Variants in FGF14 observed in about 807,000 individuals in gnomAD.
FGF14 encodes the protein fibroblast growth factor homologous factor 4.
In FGF14, 5 loss-of-function variants were observed where a neutral mutation model predicts 25.5. The observed-to-expected ratio is 0.20, with a 90% CI of 0.10 to 0.41. The LOEUF (loss-of-function observed/expected upper bound fraction) is 0.41, where lower values mean the gene tolerates loss of function less well. Ranked by LOEUF, FGF14 falls within the 10% of genes least tolerant of loss-of-function variation. The pLI is 1.00. For missense variants in FGF14, 222 were observed against 320.1 expected (o/e 0.69, Z 2.34); for synonymous variants, 138 against 118.3 (o/e 1.17, Z -1.08).
At chr13:102,014,703 TA>T in intron 1 of FGF14, among the ~76,000 whole-genome samples, 1 of 152,328 alleles carries the variant, frequency 6.6e-6, no homozygotes, top group South Asian at 2.1e-4. Context: ...CACAGTCACT[TA>T]TTTCGTATGT....
At chr13:101,724,449 G>C (rs2035229140) in intron 4 of FGF14, among the ~76,000 whole-genome samples, 1 of 151,376 alleles carries the variant, frequency 6.6e-6, no homozygotes. Context: ...TTGTGGGGTG[G>C]GGGGATGGGG....
rs935759017 is a variant in FGF14, at chr13:101,988,893, GTTTCT to G, written c.209-113602_209-113598del. ...AAAATATATGTTTTGTTGTTGTGGG[GTTTCT>G]TTTATTTGTTTGTTTGTTTTTTTAC... On this transcript the variant is annotated intron_variant, in intron 1 of 4. Transcript: ENST00000376131. 4.6e-5 allele frequency among the ~76,000 whole-genome samples: 7 copies of G among 151,892 alleles called. No homozygotes were observed. The East Asian group carries it at 5.8e-4, about 13-fold the overall frequency.
chr13:101,802,365 C>A (rs181736756), intron 3 of FGF14: 54 of 200,240 alleles, frequency 2.7e-4, no homozygotes, highest in Admixed American at 4.3e-4. Flanking sequence ...CTCAAAGCAC[C>A]CCACTAAAGT....
intron 1 of FGF14, among the ~76,000 whole-genome samples, chr13:101,947,337 C>T (rs1239501764): frequency 1.3e-5 from 2 of 152,192 alleles, no homozygotes; most frequent in African/African-American, 2.4e-5. Flanking sequence ...ACTGAGTATA[C>T]ACCCAAAGGA....
At chr13:101,788,515 G>T (rs2039986588) in intron 3 of FGF14, among the ~76,000 whole-genome samples, 1 of 152,160 alleles carries the variant, frequency 6.6e-6, no homozygotes, top group Non-Finnish European at 1.5e-5. Flanking sequence ...TAGAATGCTG[G>T]ATTAATTTAT....
chr13:102,097,127 A>T (rs2044440092), intron 1 of FGF14, among the ~76,000 whole-genome samples: 1 of 152,148 alleles, frequency 6.6e-6, no homozygotes, highest in Admixed American at 6.5e-5. Context: ...AGAACTAAAA[A>T]ATCCTAGGTG....
Position 101,980,313 on chromosome 13 carries a change from T to C in FGF14, c.209-105017A>G, listed in dbSNP as rs558834780. ...GACTTTACAGGGATTTAGTGGTTAGTTTTATAATATTATTTATTACCAGAA... is the reference window on the plus strand; with the variant it reads ...GACTTTACAGGGATTTAGTGGTTAGCTTTATAATATTATTTATTACCAGAA... On this transcript the variant is annotated intron_variant, in intron 1 of 4. Transcript: ENST00000376131. Among the ~76,000 whole-genome samples the C allele has an allele frequency of 4.0e-5, 6 of 150,894 alleles. No homozygotes were observed. In the South Asian group the frequency reaches 1.3e-3, roughly 32 times the overall value.
intron 1 of FGF14, among the ~76,000 whole-genome samples, chr13:102,282,345 C>T (rs1352816170): frequency 1.3e-5 from 2 of 152,144 alleles, no homozygotes; most frequent in African/African-American, 2.4e-5. Flanking sequence ...GGAGCCACCA[C>T]GCCCAGCCTC....
rs111320338 is a variant in FGF14, at chr13:101,741,544, A to G, written c.409-14734T>C. On this transcript the variant is annotated intron_variant, in intron 3 of 4. Transcript: ENST00000376143. Reference sequence around the variant, plus strand: ...ACTTTTTCAGGATAATATATGAGATATGGTTCTTACTGATGTCAACGGCAA... The same window carrying G: ...ACTTTTTCAGGATAATATATGAGATGTGGTTCTTACTGATGTCAACGGCAA... Among the ~76,000 whole-genome samples, 33 of 152,070 alleles carry G rather than the reference A, an allele frequency of 2.2e-4. 1 individual carries two copies. Among genetic ancestry groups the G allele is most frequent in the African/African-American group, 7.0e-4 (29 of 41,496 alleles).
At chr13:102,017,868 C>G (rs2040428316) in intron 1 of FGF14, among the ~76,000 whole-genome samples, 1 of 152,008 alleles carries the variant, frequency 6.6e-6, no homozygotes, top group Non-Finnish European at 1.5e-5. Context: ...CTAGACTGTT[C>G]ATTCTTTCTT....
chr13:102,362,282 C>T (rs1419011318), intron 1 of FGF14, among the ~76,000 whole-genome samples: 1 of 152,156 alleles, frequency 6.6e-6, no homozygotes, highest in African/African-American at 2.4e-5. Context: ...TGGGACTGTA[C>T]TTTCCTCCTC....
rs546818691 is a variant in FGF14, at chr13:102,135,166, C to G, written c.209-259870G>C. Among the ~76,000 whole-genome samples, 13 of 152,246 alleles carry G rather than the reference C, an allele frequency of 8.5e-5. No individual in the cohort carries two copies. The South Asian group carries it at 2.7e-3, about 32-fold the overall frequency. On this transcript the variant is annotated intron_variant, in intron 1 of 4. Coordinates refer to the FGF14 transcript ENST00000376131. ...AAGGCTATAGTAAGCTATGATCGCA[C>G]CATCGCACTCCAGCCTGGGTGACAG...
At chr13:101,889,482 T>G (rs1372279151) in intron 1 of FGF14, among the ~76,000 whole-genome samples, 3 of 152,290 alleles carry the variant, frequency 2.0e-5, no homozygotes, top group Non-Finnish European at 2.9e-5. Context: ...TGTAGAGCTA[T>G]TTTATGGCCC....
At chr13:102,038,088 TG>T (rs1177473767) in intron 1 of FGF14, among the ~76,000 whole-genome samples, 1 of 152,144 alleles carries the variant, frequency 6.6e-6, no homozygotes, top group East Asian at 1.9e-4. Context: ...ACATCTAGGC[TG>T]GGATCCAAAG....
At chr13:102,358,926 C>G (rs1189015303) in intron 1 of FGF14, among the ~76,000 whole-genome samples, 1 of 152,128 alleles carries the variant, frequency 6.6e-6, no homozygotes, top group Non-Finnish European at 1.5e-5. Context: ...ACCCAAATGT[C>G]CATCAGTGAT....
At chr13:101,940,495 G>A (rs7988219) in intron 1 of FGF14, among the ~76,000 whole-genome samples, 13 of 152,060 alleles carry the variant, frequency 8.5e-5, no homozygotes, top group Admixed American at 3.3e-4. Context: ...GCTTGTGCTC[G>A]CCTTGAGGCT....
At chr13:101,963,318 G>C (rs1208743414) in intron 1 of FGF14, among the ~76,000 whole-genome samples, 2 of 151,584 alleles carry the variant, frequency 1.3e-5, no homozygotes, top group African/African-American at 4.9e-5. Flanking sequence ...TTCTTTCTTT[G>C]TTCAAATTTC....
At chr13:101,847,412 A>G (rs2140342268) in intron 3 of FGF14, among the ~76,000 whole-genome samples, 1 of 152,204 alleles carries the variant, frequency 6.6e-6, no homozygotes, top group African/African-American at 2.4e-5. Context: ...AACATTAAGT[A>G]TAACTTAGCT....
chr13:102,126,004 A>G (rs80349681), intron 1 of FGF14, among the ~76,000 whole-genome samples: 2,030 of 152,208 alleles, frequency 0.013, 45 homozygotes, highest in African/African-American at 0.046. Flanking sequence ...TTCTCTCTCA[A>G]TTCCCTGTGT....
Sources: gnomAD v4.1 joint callset for allele counts (sites outside exome capture counted in the v4.1 genomes callset) on GRCh38, gnomAD v4.1.1 for gene constraint, MANE v1.5 for transcripts, NCBI Gene and HGNC (gene_info 2026-07-23, HGNC 2026-07-21) for gene names.